The following PIAS4 variants were observed in gnomAD, a reference collection of about 807,000 sequenced individuals.
The protein encoded by PIAS4 is E3 SUMO-protein ligase PIAS4.
A neutral mutation model predicts 58.0 loss-of-function variants in PIAS4; 7 were observed. The observed-to-expected ratio is 0.12, with a 90% CI of 0.07 to 0.23. The LOEUF is 0.23. Among genes scored for constraint, PIAS4 ranks in the 10% least tolerant of loss-of-function variants. The pLI is 1.00. For synonymous variants in PIAS4, 364 were observed against 312.4 expected, an observed-to-expected ratio of 1.17 and a Z score of -1.74; for missense variants, 550 against 709.5, an observed-to-expected ratio of 0.78 and a Z score of 2.55.
Position 4,013,559 on chromosome 19 carries a change from A to G in PIAS4, c.454+210A>G, listed in dbSNP as rs1349555825. ...TTGCTGTGTTACAAGTTACCCCGAA[A>G]TGGAGCCACTGGAAGCAGGGGGCGT... On this transcript the variant is annotated intron_variant, in intron 2 of 10. Transcript: ENST00000262971. This position sits in a 1 kb window ranked among gnomAD's most constrained non-coding sequence, Gnocchi z 5.1. Among the ~76,000 whole-genome samples, 1 of 152,134 alleles carries G rather than the reference A, an allele frequency of 6.6e-6. No homozygotes were observed. The highest frequency in any genetic ancestry group is 1.5e-5 in the Non-Finnish European group (1 of 68,014).
In PIAS4 at chr19:4,028,956, T is replaced by C. The variant is rs2040196467; in HGVS notation, c.827T>C (p.Val276Ala). Reference sequence around the variant, plus strand: ...AGCTACTCGGTGGCCCTGTACCTGGTGCGGCAGCTGACCTCATCGGAGCTG... The same window carrying C: ...AGCTACTCGGTGGCCCTGTACCTGGCGCGGCAGCTGACCTCATCGGAGCTG... The part of the protein sequence containing the change: ...GKSYSVALYL[V>A]RQLTSSELLQ... Residue 276 changes from valine (V) to alanine (A), a missense_variant, in exon 7 of 11, where the codon GTG becomes GCG. By Grantham distance (64) the Val-to-Ala change is moderately conservative. Coordinates refer to ENST00000262971, the MANE Select transcript of PIAS4 (RefSeq NM_015897.4). 1 of 1,611,382 alleles carries C rather than the reference T, an allele frequency of 6.2e-7. No homozygotes were observed. Among genetic ancestry groups the C allele is most frequent in the Non-Finnish European group, 8.5e-7 (1 of 1,179,404 alleles).
At chr19:4,010,694 C>G (rs1357670728) in intron 1 of PIAS4, among the ~76,000 whole-genome samples, 1 of 152,228 alleles carries the variant, frequency 6.6e-6, no homozygotes, top group African/African-American at 2.4e-5. Flanking sequence ...TAGGGAGGCT[C>G]TGGGCCAGCC....
intron 9 of PIAS4, among the ~76,000 whole-genome samples, chr19:4,035,991 CACATCTGTACAGT>C: frequency 2.9e-5 from 3 of 103,928 alleles, no homozygotes; most frequent in Admixed American, 2.0e-4. Context: ...CACACACACA[CACATCTGTACAGT>C]CCACACCTTC....
intron 1 of PIAS4, among the ~76,000 whole-genome samples, 154 bp from the exon 2 acceptor site, chr19:4,012,769 C>T (rs989963490): frequency 6.6e-5 from 10 of 151,916 alleles, no homozygotes; most frequent in African/African-American, 1.2e-4. Flanking sequence ...GAGGGGGCAC[C>T]GTAGGGGCAG....
rs372496286 is a variant in PIAS4, at chr19:4,028,902, C to T, written c.802-29C>T. The T allele has an allele frequency of 2.5e-6, 4 of 1,611,944 alleles. No homozygotes were observed. In the African/African-American group the frequency reaches 5.3e-5, roughly 22 times the overall value. ...CCCCCCAACCCCGGCCCCGTCCTGC[C>T]AGCCCTGACCCCTTCCTTCTGTCCC... On this transcript the variant is annotated intron_variant, in intron 6 of 10. Coordinates refer to ENST00000262971, the MANE Select transcript of PIAS4 (RefSeq NM_015897.4).
chr19:4,020,256 G>C (rs982054269), intron 2 of PIAS4, among the ~76,000 whole-genome samples: 2 of 152,178 alleles, frequency 1.3e-5, no homozygotes, highest in Non-Finnish European at 2.9e-5. Context: ...GACAGTGCTG[G>C]TAGTTGAGGT....
intron 7 of PIAS4, among the ~76,000 whole-genome samples, chr19:4,032,181 G>A (rs1036738227): frequency 2.6e-5 from 4 of 152,132 alleles, no homozygotes; most frequent in African/African-American, 4.8e-5. Context: ...ATTTCCAGGC[G>A]GAGGAACGTC....
rs544473326 is a variant in PIAS4 at position 4,029,338 on chromosome 19, G to A, written c.907+302G>A. On this transcript the variant is annotated intron_variant, in intron 7 of 10. Transcript: ENST00000262971. ...AGCAGAAGAGCTGGAGCCTCATTCC[G>A]GGACAGCACAGAGGCCGGGAGGGGT... Among the ~76,000 whole-genome samples the A allele has an allele frequency of 7.9e-5, 12 of 152,256 alleles. 1 individual carries two copies. The highest frequency in any genetic ancestry group is 6.2e-4 in the South Asian group (3 of 4,818).
intron 2 of PIAS4, among the ~76,000 whole-genome samples, chr19:4,022,657 C>T (rs372214241): frequency 3.3e-5 from 5 of 151,812 alleles, no homozygotes; most frequent in African/African-American, 4.8e-5. Context: ...TGAGCCACCG[C>T]GCCTGGCCGT....
Position 4,037,628 on chromosome 19 carries a change from C to T in PIAS4, c.1286C>T (p.Ala429Val), listed in dbSNP as rs565166694. Residue 429 changes from alanine (A) to valine (V), a missense_variant, in exon 11 of 11, where the codon GCC becomes GTC. Physicochemically the swap from Ala to Val is moderately conservative, Grantham distance 64 (BLOSUM62 0). Coordinates refer to ENST00000262971, the MANE Select transcript of PIAS4 (RefSeq NM_015897.4). This position sits in a 1 kb window ranked among gnomAD's most constrained non-coding sequence, Gnocchi z 5.8. ...GAILVLGPSD[A>V]NGLLPAPSVN... ...CTGTTGCCCGTAGGCCCCTCGGACGCCAATGGGCTCCTGCCCGCCCCCAGC... is the reference window on the plus strand; with the variant it reads ...CTGTTGCCCGTAGGCCCCTCGGACGTCAATGGGCTCCTGCCCGCCCCCAGC... The T allele has an allele frequency of 6.2e-7, 1 of 1,610,924 alleles. No homozygotes were observed. Among genetic ancestry groups the T allele is most frequent in the African/African-American group, 1.3e-5 (1 of 75,052 alleles).
chr19:4,009,188 G>T (rs752909750), intron 1 of PIAS4, among the ~76,000 whole-genome samples: 1 of 152,000 alleles, frequency 6.6e-6, no homozygotes, highest in Non-Finnish European at 1.5e-5. Context: ...TGACCTGTAC[G>T]TATCTTCTTC....
In PIAS4 at chr19:4,028,575, T is replaced by C; in HGVS notation, c.647T>C (p.Val216Ala). 1.2e-6 allele frequency: 2 copies of C among 1,612,728 alleles called. No individual in the cohort carries two copies. The highest frequency in any genetic ancestry group is 1.7e-6 in the Non-Finnish European group (2 of 1,179,820). The change falls in exon 5 of 11, where the codon GTC becomes GCC. Residue 216 changes from valine to alanine, a missense_variant. Coordinates refer to ENST00000262971, the MANE Select transcript of PIAS4 (RefSeq NM_015897.4). ...TACCCGCCCAACATCGCTGTGAAGG[T>C]CAACCACAGCTACTGCTCCGTCCCG... ...DQYPPNIAVKVNHSYCSVPGY... is the reference protein window; with the variant it reads ...DQYPPNIAVKANHSYCSVPGY...
chr19:4,025,015 C>A (rs2040148521), intron 3 of PIAS4, among the ~76,000 whole-genome samples: 1 of 152,246 alleles, frequency 6.6e-6, no homozygotes, highest in Non-Finnish European at 1.5e-5. Flanking sequence ...TCACCCACCT[C>A]AGCCTCCCAG....
intron 2 of PIAS4, among the ~76,000 whole-genome samples, chr19:4,022,060 T>C (rs1027655731): frequency 7.9e-5 from 12 of 152,176 alleles, no homozygotes; most frequent in African/African-American, 2.9e-4. Flanking sequence ...GACCTGCAGT[T>C]TTCAGAAAAG....
At chr19:4,028,884 A>ACCCCCGCCCCCGCCAGCCAG in intron 6 of PIAS4, 36 bp downstream of exon 6, 1 of 1,609,934 alleles carries the variant, frequency 6.2e-7, no homozygotes, top group Non-Finnish European at 8.5e-7. Context: ...CTGCCCCCCA[A>ACCCCCGCCCCCGCCAGCCAG]CCCCGGCCCC....
At chr19:4,019,825 C>G (rs2040090881) in intron 2 of PIAS4, among the ~76,000 whole-genome samples, 1 of 152,226 alleles carries the variant, frequency 6.6e-6, no homozygotes. Context: ...CGGCACCGGT[C>G]CCCGAAGAAA....
chr19:4,018,816 G>C (rs1256939742), intron 2 of PIAS4: 1 of 152,280 alleles, frequency 6.6e-6, no homozygotes, highest in Non-Finnish European at 1.5e-5. Flanking sequence ...GGTGACATTT[G>C]TACAAAGACA....
chr19:4,036,541 C>T (rs975873778), intron 9 of PIAS4, among the ~76,000 whole-genome samples: 2 of 143,494 alleles, frequency 1.4e-5, no homozygotes, highest in Non-Finnish European at 3.0e-5. Context: ...CTGTTACATG[C>T]ACACATCTAT....
In PIAS4 at chr19:4,038,223, C is replaced by T. The variant is rs1331434835; in HGVS notation, c.*348C>T. 1.6e-5 allele frequency: 4 copies of T among 251,170 alleles called. No individual in the cohort carries two copies. Among genetic ancestry groups the T allele is most frequent in the Admixed American group, 5.7e-5 (1 of 17,464 alleles). 15.6% of individuals were successfully genotyped at this position (251,170 alleles called of 1,614,324 possible). A position where few individuals can be genotyped will look rare whatever the true frequency, so the allele number is the denominator to read the frequency against. ...GGACGCCGCCCCGCGCCCTCCCCTC[C>T]GGATGCCCCGCCGCCCGCCGCCCTC... On this transcript the variant is annotated 3_prime_UTR_variant, in exon 11 of 11. Transcript: ENST00000262971. The surrounding 1 kb of genome is among the most constrained non-coding windows in gnomAD (Gnocchi z 4.1).
Sources: allele counts gnomAD v4.1 joint callset (sites outside exome capture counted in the v4.1 genomes callset), GRCh38; gene constraint gnomAD v4.1.1; non-coding constraint Gnocchi (gnomAD v3.1); transcripts MANE v1.5; gene names NCBI Gene and HGNC (gene_info 2026-07-23, HGNC 2026-07-21).